Variants in KCNIP4 observed in about 807,000 individuals in gnomAD.
The protein encoded by KCNIP4 is Kv channel-interacting protein 4.
KCNIP4 carries 12 observed loss-of-function variants against 34.0 expected under a neutral mutation model. The observed-to-expected ratio is 0.35, with a 90% CI of 0.23 to 0.57. KCNIP4 has a LOEUF of 0.57. Ranked by LOEUF, KCNIP4 falls within the 20% of genes least tolerant of loss-of-function variation. KCNIP4 has a pLI of 0.83. For missense variants in KCNIP4, 238 were observed against 311.7 expected (o/e 0.76, Z 1.78); for synonymous variants, 124 against 102.2 (o/e 1.21, Z -1.29).
chr4:21,139,868 A>T (rs529134620), intron 1 of KCNIP4, among the ~76,000 whole-genome samples: 59 of 152,258 alleles, frequency 3.9e-4, no homozygotes, highest in African/African-American at 1.3e-3. Context: ...GTAGAAGAAA[A>T]CACAAGTGTA....
At chr4:21,238,398 G>A (rs1759538935) in intron 1 of KCNIP4, among the ~76,000 whole-genome samples, 1 of 152,076 alleles carries the variant, frequency 6.6e-6, no homozygotes, top group South Asian at 2.1e-4. Context: ...GGCAGGAGAA[G>A]GAAATAAAGG....
chr4:21,661,902 A>G (rs1577784614), intron 1 of KCNIP4, among the ~76,000 whole-genome samples: 1 of 152,232 alleles, frequency 6.6e-6, no homozygotes, highest in East Asian at 1.9e-4. Flanking sequence ...CCTTATTTCT[A>G]TTAAAAAATT....
chr4:21,816,355 A>G (rs1560735570), intron 1 of KCNIP4, among the ~76,000 whole-genome samples: 1 of 152,174 alleles, frequency 6.6e-6, no homozygotes, highest in Admixed American at 6.5e-5. Flanking sequence ...CAACCAAGCT[A>G]TAATATAACT....
chr4:20,767,972 C>T (rs1165165984), intron 3 of KCNIP4, among the ~76,000 whole-genome samples: 1 of 152,184 alleles, frequency 6.6e-6, no homozygotes, highest in South Asian at 2.1e-4. Context: ...GTAGTCTGCT[C>T]GGTCTATCAG....
chr4:21,848,374 G>A (rs745770635), intron 1 of KCNIP4: 2 of 152,076 alleles, frequency 1.3e-5, no homozygotes, highest in Non-Finnish European at 2.9e-5. Flanking sequence ...TGGCTCCGTC[G>A]CTCACCCAGC....
chr4:21,393,550 T>TA (rs1321481877), intron 1 of KCNIP4, among the ~76,000 whole-genome samples: 5 of 152,260 alleles, frequency 3.3e-5, no homozygotes, highest in African/African-American at 1.2e-4. Context: ...ATGCAAGGAT[T>TA]TCAGTATCTC....
rs376882844 is a variant in KCNIP4 at position 21,736,364 on chromosome 4, G to A, written c.61+212207C>T. 2.0e-5 allele frequency among the ~76,000 whole-genome samples: 3 copies of A among 152,214 alleles called. No individual in the cohort carries two copies. In the East Asian group the frequency reaches 5.8e-4, roughly 29 times the overall value. ...TTCCATCTGTCCTCTGTACTGTAGA[G>A]AGATAGGTCCCTGTAATACTCTTCT... On this transcript the variant is annotated intron_variant, in intron 1 of 8. Coordinates refer to ENST00000382152, the MANE Select transcript of KCNIP4 (RefSeq NM_025221.6).
intron 1 of KCNIP4, among the ~76,000 whole-genome samples, chr4:20,910,472 C>G (rs1454149919): frequency 1.3e-5 from 2 of 152,066 alleles, no homozygotes; most frequent in Non-Finnish European, 2.9e-5. Flanking sequence ...CAACACCACT[C>G]CAGGATGAGG....
At chr4:21,691,983 C>T (rs1234129285) in intron 1 of KCNIP4, among the ~76,000 whole-genome samples, 1 of 152,100 alleles carries the variant, frequency 6.6e-6, no homozygotes, top group Non-Finnish European at 1.5e-5. Context: ...CAGGCGTGAT[C>T]CACCGCACCA....
intron 1 of KCNIP4, among the ~76,000 whole-genome samples, chr4:21,742,709 T>C (rs1716498095): frequency 6.6e-6 from 1 of 152,128 alleles, no homozygotes; most frequent in African/African-American, 2.4e-5. Flanking sequence ...CAAGACTTAG[T>C]CTCACTTCTC....
intron 1 of KCNIP4, among the ~76,000 whole-genome samples, chr4:21,338,692 CA>C (rs1716433426): frequency 1.3e-5 from 2 of 151,528 alleles, no homozygotes; most frequent in South Asian, 2.1e-4. Flanking sequence ...TCTTACTACC[CA>C]AAGGATTATA....
At chr4:21,152,017 C>G (rs985016150) in intron 1 of KCNIP4, among the ~76,000 whole-genome samples, 2 of 152,114 alleles carry the variant, frequency 1.3e-5, no homozygotes, top group African/African-American at 4.8e-5. Context: ...GTTTTGGAGG[C>G]AGAGATGGGC....
At chr4:20,969,298 C>T (rs1167241882) in intron 1 of KCNIP4, among the ~76,000 whole-genome samples, 2 of 152,120 alleles carry the variant, frequency 1.3e-5, no homozygotes, top group East Asian at 1.9e-4. Context: ...GAATTTCATA[C>T]TTACAGAAAA....
chr4:20,876,780 G>A (rs1316814975), intron 2 of KCNIP4, among the ~76,000 whole-genome samples: 2 of 152,064 alleles, frequency 1.3e-5, no homozygotes, highest in African/African-American at 4.8e-5. Context: ...CACCATGTTG[G>A]CCAGGCTGGT....
At chr4:21,309,211 GAGA>G (rs900658661) in intron 1 of KCNIP4, among the ~76,000 whole-genome samples, 13 of 152,294 alleles carry the variant, frequency 8.5e-5, no homozygotes, top group African/African-American at 3.1e-4. Context: ...AGGCTTTAAA[GAGA>G]AGAAGAGAAA....
chr4:21,736,432 T>C (rs1165972595), intron 1 of KCNIP4, among the ~76,000 whole-genome samples: 2 of 152,174 alleles, frequency 1.3e-5, no homozygotes, highest in Non-Finnish European at 1.5e-5. Flanking sequence ...ACAGAATAAA[T>C]CTATACAATT....
At chr4:21,756,586 T>C (rs548718717) in intron 1 of KCNIP4, among the ~76,000 whole-genome samples, 59 of 149,464 alleles carry the variant, frequency 3.9e-4, no homozygotes, top group East Asian at 3.8e-3. Context: ...GAGAGAGAAA[T>C]ATCTATCAAC....
chr4:20,948,377 C>G (rs1732418932), intron 1 of KCNIP4, among the ~76,000 whole-genome samples: 1 of 152,178 alleles, frequency 6.6e-6, no homozygotes, highest in South Asian at 2.1e-4. Flanking sequence ...CAGAGTTTCC[C>G]TGAGTCAAAT....
intron 1 of KCNIP4, among the ~76,000 whole-genome samples, chr4:21,730,763 T>C (rs898535700): frequency 5.3e-5 from 8 of 152,142 alleles, no homozygotes; most frequent in African/African-American, 1.9e-4. Flanking sequence ...CACAAACTTA[T>C]ACGCTGGAAG....
Sources: allele counts gnomAD v4.1 joint callset (sites outside exome capture counted in the v4.1 genomes callset), GRCh38; gene constraint gnomAD v4.1.1; transcripts MANE v1.5; gene names NCBI Gene and HGNC (gene_info 2026-07-23, HGNC 2026-07-21).